The following CDRT4 variants were observed in gnomAD, a reference collection of about 807,000 sequenced individuals.
The protein encoded by CDRT4 is CMT1A duplicated region transcript 4 protein.
For missense variants in CDRT4, 167 were observed against 193.1 expected (o/e 0.87, Z 0.80); for synonymous variants, 64 against 69.6 (o/e 0.92, Z 0.40).
At chr17:15,438,765 C>T (rs1978619972) in intron 3 of CDRT4, among the ~76,000 whole-genome samples, 1 of 152,186 alleles carries the variant, frequency 6.6e-6, no homozygotes, top group African/African-American at 2.4e-5. Context: ...AAGCTTTTAG[C>T]ACAGTGACTA....
intron 2 of CDRT4, among the ~76,000 whole-genome samples, chr17:15,445,005 G>A (rs931115311): frequency 2.0e-5 from 3 of 152,158 alleles, no homozygotes; most frequent in South Asian, 2.1e-4. Context: ...CTCTCTGGCC[G>A]CAAGCTGCAT....
rs982034130 is a variant in CDRT4, at chr17:15,437,640, G to A, written c.*133C>T. ...ATCTGGTTTCTCTTAGCCAAGCTCC[G>A]CATGAGCAAGAGCAAGTTCAGATTT... is the stretch of plus-strand genomic sequence containing the variant. On this transcript the variant is annotated 3_prime_UTR_variant, in exon 4 of 4. Transcript: ENST00000619038. 12 of 944,002 alleles carry A rather than the reference G, an allele frequency of 1.3e-5. No homozygotes were observed. The highest frequency in any genetic ancestry group is 8.3e-5 in the African/African-American group (5 of 60,188). The allele number at this position is 944,002 out of a possible 1,614,324, so 58.5% of individuals were successfully genotyped here.
chr17:15,441,787 C>G (rs28496894), intron 2 of CDRT4, among the ~76,000 whole-genome samples: 2,479 of 152,336 alleles, frequency 0.016, 55 homozygotes, highest in African/African-American at 0.055. Context: ...ACAGATCTTA[C>G]AGAGTCCCTG....
At chr17:15,453,877 T>C (rs1358544621) in intron 1 of CDRT4, among the ~76,000 whole-genome samples, 2 of 152,106 alleles carry the variant, frequency 1.3e-5, no homozygotes, top group Non-Finnish European at 2.9e-5. Flanking sequence ...AGAGAAACTA[T>C]CCTTGGAGTG....
At chr17:15,438,316 C>T (rs1480768369) in intron 3 of CDRT4, 116 bp from the exon 4 acceptor site, 8 of 903,430 alleles carry the variant, frequency 8.9e-6, no homozygotes, top group Non-Finnish European at 1.3e-5. Context: ...TTTTGCACCC[C>T]TTGTATTCAG....
intron 1 of CDRT4, among the ~76,000 whole-genome samples, chr17:15,458,059 C>G (rs890599392): frequency 1.3e-5 from 2 of 152,236 alleles, no homozygotes; most frequent in Admixed American, 6.5e-5. Context: ...AAAGAAGGCT[C>G]TGTGTGCAGG....
At chr17:15,448,010 A>C (rs556531096) in intron 2 of CDRT4, among the ~76,000 whole-genome samples, 1 of 152,176 alleles carries the variant, frequency 6.6e-6, no homozygotes, top group African/African-American at 2.4e-5. Flanking sequence ...CAGTGTGACT[A>C]TTAAAATGTG....
Position 15,437,530 on chromosome 17 carries a change from G to C in CDRT4, c.*243C>G, listed in dbSNP as rs1978545253. The C allele has an allele frequency of 1.8e-6, 1 of 559,266 alleles. No homozygotes were observed. The highest frequency in any genetic ancestry group is 1.9e-5 in the African/African-American group (1 of 53,244). The allele number at this position is 559,266 out of a possible 1,614,324, so 34.6% of individuals were successfully genotyped here. The stretch of plus-strand genomic sequence containing the variant: ...TTTGGTCCTGAGAATCTGCAGCAGA[G>C]ACTAGAGCCAGGGACTGCCCAAACC... On this transcript the variant is annotated 3_prime_UTR_variant, in exon 4 of 4. Transcript: ENST00000619038.
In CDRT4 at chr17:15,450,512, G is replaced by A. The variant is rs1597462658; in HGVS notation, c.-48+2492C>T. 6.6e-6 allele frequency among the ~76,000 whole-genome samples: 1 copy of A among 151,746 alleles called. No homozygotes were observed. The highest frequency in any genetic ancestry group is 1.5e-5 in the Non-Finnish European group (1 of 67,986). ...ACCTGGTTTCCATGATGCCACAGGA[G>A]TGGAATCCCACCATCACTCAGCAAG... is the stretch of plus-strand genomic sequence containing the variant. On this transcript the variant is annotated intron_variant, in intron 2 of 3. Transcript: ENST00000619038. This position sits in a 1 kb window ranked among gnomAD's most constrained non-coding sequence, Gnocchi z 4.2.
At chr17:15,453,932 G>C (rs895255531) in intron 1 of CDRT4, among the ~76,000 whole-genome samples, 1 of 152,198 alleles carries the variant, frequency 6.6e-6, no homozygotes, top group Admixed American at 6.5e-5. Flanking sequence ...ACTGGGCAGA[G>C]GGCACAGGGC....
chr17:15,465,688 C>T (rs988240923), intron 1 of CDRT4, among the ~76,000 whole-genome samples: 8 of 152,314 alleles, frequency 5.3e-5, no homozygotes, highest in African/African-American at 1.9e-4. Context: ...ACAAAACACA[C>T]AAACACACAG....
In CDRT4 at chr17:15,450,839, G is replaced by A. The variant is rs973499283; in HGVS notation, c.-48+2165C>T. 3.3e-5 allele frequency among the ~76,000 whole-genome samples: 5 copies of A among 151,924 alleles called. No homozygotes were observed. Among genetic ancestry groups the A allele is most frequent in the Admixed American group, 6.6e-5 (1 of 15,254 alleles). On this transcript the variant is annotated intron_variant, in intron 2 of 3. Coordinates refer to ENST00000619038, the MANE Select transcript of CDRT4 (RefSeq NM_001204477.2). The surrounding 1 kb of genome is among the most constrained non-coding windows in gnomAD (Gnocchi z 4.2). ...TCAGAAAGAGGCATCATCATTCATC[G>A]AATTGCCCAGTTCAAACATCTAACA...
chr17:15,456,338 G>A (rs900388176), intron 1 of CDRT4, among the ~76,000 whole-genome samples: 1 of 152,116 alleles, frequency 6.6e-6, no homozygotes, highest in African/African-American at 2.4e-5. Flanking sequence ...TGGAGTTAGG[G>A]TACTTGCCTT....
In CDRT4 at chr17:15,437,579, G is replaced by A; in HGVS notation, c.*194C>T. 1.6e-6 allele frequency: 1 copy of A among 618,532 alleles called. No individual in the cohort carries two copies. Among genetic ancestry groups the A allele is most frequent in the East Asian group, 2.8e-5 (1 of 36,262 alleles). The allele number at this position is 618,532 out of a possible 1,614,324, so 38.3% of individuals were successfully genotyped here. A position where few individuals can be genotyped will look rare whatever the true frequency, so the allele number is the denominator to read the frequency against. ...CCCACCAGAGAGCAGTGTGGGAGGGGACACACTCACCCACCCACCTACAGC... is the reference window on the plus strand; with the variant it reads ...CCCACCAGAGAGCAGTGTGGGAGGGAACACACTCACCCACCCACCTACAGC... On this transcript the variant is annotated 3_prime_UTR_variant, in exon 4 of 4. Transcript: ENST00000619038.
At chr17:15,443,307 C>A (rs1387033119) in intron 2 of CDRT4, among the ~76,000 whole-genome samples, 1 of 149,404 alleles carries the variant, frequency 6.7e-6, no homozygotes, top group African/African-American at 2.5e-5. Context: ...AGAGACAGGG[C>A]CTCACTCTGT....
At chr17:15,447,420 T>C (rs1014148712) in intron 2 of CDRT4, among the ~76,000 whole-genome samples, 9 of 152,220 alleles carry the variant, frequency 5.9e-5, no homozygotes, top group Non-Finnish European at 7.3e-5. Context: ...GCCAGCCTCA[T>C]TGCTTCCAAA....
At chr17:15,463,418 T>C (rs976171010) in intron 1 of CDRT4, among the ~76,000 whole-genome samples, 5 of 152,186 alleles carry the variant, frequency 3.3e-5, no homozygotes, top group Non-Finnish European at 7.3e-5. Flanking sequence ...AACAAAATCA[T>C]TCTTTCCCAT....
At chr17:15,451,333 A>G (rs1194043202) in intron 2 of CDRT4, among the ~76,000 whole-genome samples, 1 of 152,194 alleles carries the variant, frequency 6.6e-6, no homozygotes, top group East Asian at 1.9e-4. Flanking sequence ...TCTTTCCTTT[A>G]TAAATTACCC....
chr17:15,444,899 T>C (rs1299442264), intron 2 of CDRT4, among the ~76,000 whole-genome samples: 4 of 152,116 alleles, frequency 2.6e-5, no homozygotes, highest in African/African-American at 9.7e-5. Context: ...AATACCAAAA[T>C]TGACTTAGAT....
Sources: allele counts gnomAD v4.1 joint callset (sites outside exome capture counted in the v4.1 genomes callset), GRCh38; gene constraint gnomAD v4.1.1; non-coding constraint Gnocchi (gnomAD v3.1); transcripts MANE v1.5; gene names NCBI Gene and HGNC (gene_info 2026-07-23, HGNC 2026-07-21).